The following NME7 variants were observed in gnomAD, a reference collection of about 807,000 sequenced individuals.
The protein encoded by NME7 is nucleoside diphosphate kinase 7.
NME7 carries 41 observed loss-of-function variants against 49.1 expected under a neutral mutation model. The ratio of observed to expected loss-of-function variants is 0.83; its 90% CI spans 0.65 to 1.08. The LOEUF is 1.08. NME7 is among the 50% of genes least tolerant of loss of function. The pLI is 0.00. For missense variants in NME7, 423 were observed against 463.4 expected, an observed-to-expected ratio of 0.91 and a Z score of 0.80; for synonymous variants, 139 against 150.6, an observed-to-expected ratio of 0.92 and a Z score of 0.56.
intron 1 of NME7, among the ~76,000 whole-genome samples, chr1:169,335,219 A>G (rs1245919683): frequency 2.0e-5 from 3 of 152,200 alleles, no homozygotes; most frequent in African/African-American, 7.2e-5. Flanking sequence ...TATATACCCA[A>G]AGGAATATAA....
intron 10 of NME7, among the ~76,000 whole-genome samples, chr1:169,189,673 T>TAACATATATTCTCTGCATATGA (rs1387407349): frequency 2.0e-5 from 3 of 152,114 alleles, no homozygotes; most frequent in Non-Finnish European, 4.4e-5. Flanking sequence ...ACACTATGCT[T>TAACATATATTCTCTGCATATGA]AACAAATAAA....
At chr1:169,271,856 G>A (rs2101874719) in intron 7 of NME7, among the ~76,000 whole-genome samples, 1 of 132,722 alleles carries the variant, frequency 7.5e-6, no homozygotes. Flanking sequence ...TATAGAAACA[G>A]ATAAACATAA....
At chr1:169,321,797 C>T (rs550480626) in intron 3 of NME7, among the ~76,000 whole-genome samples, 1 of 152,288 alleles carries the variant, frequency 6.6e-6, no homozygotes, top group South Asian at 2.1e-4. Flanking sequence ...ATCAGCTAGT[C>T]ATTTGAGTAG....
intron 11 of NME7, among the ~76,000 whole-genome samples, chr1:169,146,963 T>G (rs1658774613): frequency 6.6e-6 from 1 of 152,194 alleles, no homozygotes; most frequent in African/African-American, 2.4e-5. Flanking sequence ...ACTTGGTCAT[T>G]CAACAAATAC....
rs1014044953 is a variant in NME7 at position 169,257,895 on chromosome 1, G to A, written c.755-20208C>T. Among the ~76,000 whole-genome samples the A allele has an allele frequency of 2.2e-5, 3 of 133,726 alleles. 1 individual carries two copies. Among genetic ancestry groups the A allele is most frequent in the East Asian group, 4.0e-4 (2 of 5,050 alleles). The allele number at this position is 133,726 out of a possible 152,430, so 87.7% of individuals were successfully genotyped here. A position where few individuals can be genotyped will look rare whatever the true frequency, so the allele number is the denominator to read the frequency against. On this transcript the variant is annotated intron_variant, in intron 7 of 11. Transcript: ENST00000367811. ...TTCTGGCTTAAAAGGTTTCTGCTGA[G>A]GAAATCTCTTAGTTTTTCAAGCAAA...
intron 10 of NME7, among the ~76,000 whole-genome samples, chr1:169,173,537 A>G (rs941492177): frequency 1.3e-5 from 2 of 152,164 alleles, no homozygotes; most frequent in Non-Finnish European, 2.9e-5. Flanking sequence ...CTAGGCTTTC[A>G]TGTTAGATCC....
rs769103233 is a variant in NME7 at position 169,238,492 on chromosome 1, C to CACAT, written c.755-806_755-805insATGT. On this transcript the variant is annotated intron_variant, in intron 7 of 11. Transcript: ENST00000367811. The stretch of plus-strand genomic sequence containing the variant: ...ATGCACAAAGGCACACACACACACA[C>CACAT]ACACACACACACACACACACACACC... 7.7e-4 allele frequency among the ~76,000 whole-genome samples: 108 copies of CACAT among 140,466 alleles called. 1 individual carries two copies. The highest frequency in any genetic ancestry group is 2.9e-3 in the Admixed American group (42 of 14,282). 92.2% of individuals were successfully genotyped at this position (140,466 alleles called of 152,430 possible).
At chr1:169,175,075 A>C (rs1382746639) in intron 10 of NME7, among the ~76,000 whole-genome samples, 1 of 151,996 alleles carries the variant, frequency 6.6e-6, no homozygotes, top group Non-Finnish European at 1.5e-5. Context: ...CTGTACAAAA[A>C]TCTTTTCTTT....
At chr1:169,237,566 A>G (rs1006141342) in intron 8 of NME7, 57 bp downstream of exon 8, 8 of 1,279,208 alleles carry the variant, frequency 6.3e-6, no homozygotes, top group African/African-American at 4.4e-5. Flanking sequence ...AAAGCATTTT[A>G]TAACTATTTT....
intron 10 of NME7, among the ~76,000 whole-genome samples, chr1:169,215,850 G>A (rs1434239960): frequency 6.6e-6 from 1 of 152,186 alleles, no homozygotes; most frequent in African/African-American, 2.4e-5. Context: ...ATAAGTCAGA[G>A]AAAGACAAGT....
chr1:169,147,671 T>A (rs1460221947), intron 11 of NME7, among the ~76,000 whole-genome samples: 1 of 152,236 alleles, frequency 6.6e-6, no homozygotes, highest in African/African-American at 2.4e-5. Context: ...AGCAGAGCTA[T>A]CTTTTAAACT....
At chr1:169,197,906 C>A (rs919968383) in intron 10 of NME7, among the ~76,000 whole-genome samples, 2 of 151,898 alleles carry the variant, frequency 1.3e-5, no homozygotes, top group Non-Finnish European at 2.9e-5. Context: ...TCAAAGGACA[C>A]CAACAAGAAA....
At chr1:169,155,665 T>C (rs1659046313) in intron 11 of NME7, among the ~76,000 whole-genome samples, 1 of 152,156 alleles carries the variant, frequency 6.6e-6, no homozygotes, top group Admixed American at 6.5e-5. Context: ...AACAAAACGA[T>C]GATGATGGGA....
rs193024763 is a variant in NME7 at position 169,180,689 on chromosome 1, G to T, written c.991-11135C>A. Among the ~76,000 whole-genome samples the T allele has an allele frequency of 2.4e-3, 367 of 152,222 alleles. 1 individual carries two copies. Among genetic ancestry groups the T allele is most frequent in the Middle Eastern group, 0.017 (5 of 294 alleles). ...CACCTATGTAATTTAAAATTGTCTA[G>T]TGGCCACATTAATAAGAAGTGAAAT... On this transcript the variant is annotated intron_variant, in intron 10 of 11. Coordinates refer to ENST00000367811, the MANE Select transcript of NME7 (RefSeq NM_013330.5).
intron 10 of NME7, among the ~76,000 whole-genome samples, chr1:169,172,052 C>T (rs895707137): frequency 2.6e-5 from 4 of 152,118 alleles, no homozygotes; most frequent in Admixed American, 6.5e-5. Flanking sequence ...AATGTGAAGG[C>T]GCTGATTTAC....
intron 11 of NME7, among the ~76,000 whole-genome samples, chr1:169,156,154 C>CAAA (rs71121729): frequency 7.4e-5 from 10 of 135,956 alleles, no homozygotes; most frequent in African/African-American, 2.7e-4. Context: ...CCTGTCTCTA[C>CAAA]AAAAAAAAAT....
At chr1:169,315,422 G>C (rs1398952963) in intron 3 of NME7, among the ~76,000 whole-genome samples, 1 of 151,750 alleles carries the variant, frequency 6.6e-6, no homozygotes, top group South Asian at 2.1e-4. Context: ...CGCCTCCACG[G>C]CCGGCTAATT....
At chr1:169,295,678 T>C (rs12143193) in intron 6 of NME7, among the ~76,000 whole-genome samples, 1 of 151,946 alleles carries the variant, frequency 6.6e-6, no homozygotes, top group South Asian at 2.1e-4. Context: ...CCTTCAGCCA[T>C]GCAGTTGAAC....
intron 7 of NME7, among the ~76,000 whole-genome samples, chr1:169,248,370 G>C (rs1648411533): frequency 6.6e-6 from 1 of 151,864 alleles, no homozygotes; most frequent in Non-Finnish European, 1.5e-5. Context: ...GTAGATTCTA[G>C]ATATTAGTCC....
Sources: gnomAD v4.1 joint callset for allele counts (sites outside exome capture counted in the v4.1 genomes callset) on GRCh38, gnomAD v4.1.1 for gene constraint, MANE v1.5 for transcripts, NCBI Gene and HGNC (gene_info 2026-07-23, HGNC 2026-07-21) for gene names.